EXOC4: variants seen among roughly 807,000 people sequenced by gnomAD.
The protein encoded by EXOC4 is SEC8-like 1.
A neutral mutation model predicts 107.2 loss-of-function variants in EXOC4; 71 were observed. That is an observed-to-expected ratio of 0.66 (90% CI 0.55 to 0.81). EXOC4 has a LOEUF of 0.81. Among genes scored for constraint, EXOC4 ranks in the 30% least tolerant of loss-of-function variants. EXOC4 has a pLI of 0.00. For synonymous variants in EXOC4, 456 were observed against 441.2 expected, an observed-to-expected ratio of 1.03 and a Z score of -0.42; for missense variants, 1,108 against 1,189.6, an observed-to-expected ratio of 0.93 and a Z score of 1.01.
At chr7:133,974,053 G>A (rs1479156433) in intron 14 of EXOC4, among the ~76,000 whole-genome samples, 1 of 152,188 alleles carries the variant, frequency 6.6e-6, no homozygotes, top group Non-Finnish European at 1.5e-5. Flanking sequence ...CTCAGGCCTA[G>A]TCACCTCTTT....
chr7:133,877,731 A>G (rs1798879844), intron 11 of EXOC4, among the ~76,000 whole-genome samples: 1 of 152,110 alleles, frequency 6.6e-6, no homozygotes, highest in African/African-American at 2.4e-5. Context: ...GAAGATCTAC[A>G]CAGATCTTGT....
chr7:133,303,794 G>A (rs1290643234), intron 3 of EXOC4, among the ~76,000 whole-genome samples: 1 of 152,164 alleles, frequency 6.6e-6, no homozygotes, highest in African/African-American at 2.4e-5. Context: ...CATTTAAACA[G>A]TTACAATGGC....
chr7:133,558,016 A>G (rs896727019), intron 9 of EXOC4, among the ~76,000 whole-genome samples: 1 of 152,088 alleles, frequency 6.6e-6, no homozygotes, highest in Admixed American at 6.6e-5. Context: ...ACCCCAGCAA[A>G]TATGGGAAAT....
At chr7:133,808,040 A>G (rs1020626916) in intron 10 of EXOC4, among the ~76,000 whole-genome samples, 3 of 152,146 alleles carry the variant, frequency 2.0e-5, no homozygotes, top group African/African-American at 7.2e-5. Context: ...ACTTCCAGAC[A>G]TGAATTGCAC....
chr7:133,593,684 A>G (rs1801600911), intron 9 of EXOC4, among the ~76,000 whole-genome samples: 2 of 152,298 alleles, frequency 1.3e-5, no homozygotes, highest in South Asian at 4.1e-4. Flanking sequence ...TTCAAAGATA[A>G]TCCTTTCCTC....
intron 10 of EXOC4, among the ~76,000 whole-genome samples, chr7:133,784,251 G>A: frequency 6.6e-6 from 1 of 151,924 alleles, no homozygotes; most frequent in East Asian, 1.9e-4. Flanking sequence ...TTGAACTCTT[G>A]TGATTAAGAC....
At chr7:133,959,281 G>A (rs1266305101) in intron 14 of EXOC4, among the ~76,000 whole-genome samples, 1 of 152,060 alleles carries the variant, frequency 6.6e-6, no homozygotes, top group Non-Finnish European at 1.5e-5. Context: ...CTTAAAAAAT[G>A]AAAATTAATA....
chr7:133,297,801 C>T (rs1794551855), intron 3 of EXOC4, among the ~76,000 whole-genome samples: 1 of 152,184 alleles, frequency 6.6e-6, no homozygotes, highest in Non-Finnish European at 1.5e-5. Flanking sequence ...GTGCTACCAT[C>T]ATTAATGCAT....
At chr7:133,575,715 G>C (rs960036897) in intron 9 of EXOC4, among the ~76,000 whole-genome samples, 6 of 152,104 alleles carry the variant, frequency 3.9e-5, no homozygotes, top group Non-Finnish European at 8.8e-5. Flanking sequence ...TCTCCTCCCT[G>C]GCTTCCCTGA....
chr7:133,710,880 A>G (rs536202618), intron 10 of EXOC4, among the ~76,000 whole-genome samples: 3 of 150,830 alleles, frequency 2.0e-5, no homozygotes, highest in South Asian at 4.2e-4. Flanking sequence ...TCAGAAAACC[A>G]TGTCATGATA....
At chr7:133,937,811 A>G (rs911930758) in intron 13 of EXOC4, 80 bp from the exon 14 acceptor site, 2 of 1,346,566 alleles carry the variant, frequency 1.5e-6, no homozygotes, top group South Asian at 2.6e-5. Flanking sequence ...TCCTTGTGCT[A>G]GGTGTGCCTA....
intron 7 of EXOC4, among the ~76,000 whole-genome samples, chr7:133,460,194 C>G (rs766498741): frequency 6.6e-6 from 1 of 152,126 alleles, no homozygotes; most frequent in Non-Finnish European, 1.5e-5. Context: ...AGCACACGAC[C>G]TAGATCCCTC....
At chr7:133,569,763 C>T (rs1800980534) in intron 9 of EXOC4, among the ~76,000 whole-genome samples, 1 of 152,134 alleles carries the variant, frequency 6.6e-6, no homozygotes, top group Non-Finnish European at 1.5e-5. Flanking sequence ...GCCTTTCATT[C>T]ATGAAGATGA....
chr7:133,642,323 TC>T (rs1802876865), intron 10 of EXOC4, among the ~76,000 whole-genome samples: 1 of 152,142 alleles, frequency 6.6e-6, no homozygotes, highest in Non-Finnish European at 1.5e-5. Flanking sequence ...CTAAATTTCT[TC>T]CAGTTTCCTT....
chr7:133,946,250 G>A (rs1185666593), intron 14 of EXOC4, among the ~76,000 whole-genome samples: 1 of 152,048 alleles, frequency 6.6e-6, no homozygotes, highest in African/African-American at 2.4e-5. Context: ...TTTTATTGAC[G>A]ATACCTTCCA....
intron 11 of EXOC4, among the ~76,000 whole-genome samples, chr7:133,890,501 G>T (rs1379023585): frequency 7.1e-6 from 1 of 140,486 alleles, no homozygotes; most frequent in Non-Finnish European, 1.5e-5. Flanking sequence ...CCTTGCCCAC[G>T]CCTATGTCCT....
At chr7:133,948,616 G>A (rs1395768110) in intron 14 of EXOC4, among the ~76,000 whole-genome samples, 2 of 152,140 alleles carry the variant, frequency 1.3e-5, no homozygotes, top group Non-Finnish European at 2.9e-5. Flanking sequence ...AGCCCCAAAG[G>A]ATACTACGGT....
intron 13 of EXOC4, among the ~76,000 whole-genome samples, chr7:133,937,186 G>A (rs769963524): frequency 4.0e-5 from 6 of 151,818 alleles, no homozygotes; most frequent in South Asian, 2.1e-4. Context: ...TTTCAACCCC[G>A]CCCTGCCCCC....
chr7:133,750,487 T>C (rs932443378), intron 10 of EXOC4, among the ~76,000 whole-genome samples: 5 of 152,202 alleles, frequency 3.3e-5, no homozygotes, highest in African/African-American at 1.2e-4. Flanking sequence ...TGGTGCTTCA[T>C]GCTGTGAGGA....
Sources: allele counts gnomAD v4.1 joint callset (sites outside exome capture counted in the v4.1 genomes callset), GRCh38; gene constraint gnomAD v4.1.1; transcripts MANE v1.5; gene names NCBI Gene and HGNC (gene_info 2026-07-23, HGNC 2026-07-21).